The following CLSTN3 variants were observed in gnomAD, a reference collection of about 807,000 sequenced individuals.
The protein encoded by CLSTN3 is calsyntenin 3.
CLSTN3 carries 36 observed loss-of-function variants against 95.9 expected under a neutral mutation model. That is an observed-to-expected ratio of 0.38 (90% CI 0.29 to 0.50). CLSTN3 has a LOEUF of 0.50. Among genes scored for constraint, CLSTN3 ranks in the 20% least tolerant of loss-of-function variants. The probability of loss-of-function intolerance (pLI) is 0.95; values close to 1 mark genes in which losing one functional copy is unlikely to be tolerated. For synonymous variants in CLSTN3, 481 were observed against 504.0 expected (o/e 0.95, Z 0.61); for missense variants, 1,084 against 1,268.8 (o/e 0.85, Z 2.21).
intron 16 of CLSTN3, among the ~76,000 whole-genome samples, chr12:7,151,683 C>T (rs1437676128): frequency 6.6e-6 from 1 of 152,110 alleles, no homozygotes; most frequent in Non-Finnish European, 1.5e-5. Context: ...TGGTCCTTTA[C>T]GAATGGTGCA....
At position 7,137,050 on chromosome 12, in the gene CLSTN3, G is replaced by C. The variant is rs182094956; in HGVS notation, c.1150G>C (p.Val384Leu). The C allele has an allele frequency of 3.1e-6, 5 of 1,614,114 alleles. No individual in the cohort carries two copies. In the Middle Eastern group the frequency reaches 6.6e-4, roughly 213 times the overall value. ...CCTGTCCTTCTGGATGAAGCATGGC[G>C]TAACTCCCAACAAGGGCAAGAAGGA... The part of the protein sequence containing the change: ...FTLSFWMKHG[V>L]TPNKGKKEEE... The change falls in exon 7 of 18, where the codon GTA (valine) becomes CTA (leucine). Residue 384 changes from valine (V) to leucine (L), a missense_variant. Physicochemically the swap from Val to Leu is conservative, Grantham distance 32 (BLOSUM62 1). Coordinates refer to ENST00000266546, the MANE Select transcript of CLSTN3 (RefSeq NM_014718.4). This position sits in a 1 kb window ranked among gnomAD's most constrained non-coding sequence, Gnocchi z 4.4.
chr12:7,140,022 G>C (rs955640930), intron 8 of CLSTN3, among the ~76,000 whole-genome samples: 1 of 152,140 alleles, frequency 6.6e-6, no homozygotes, highest in Non-Finnish European at 1.5e-5. Flanking sequence ...CAGTAAACAG[G>C]ACTGTTGCAA....
At position 7,149,630 on chromosome 12, in the gene CLSTN3, A is replaced by G. The variant is rs1939689017; in HGVS notation, c.2182A>G (p.Thr728Ala). Residue 728 changes from threonine to alanine, a missense_variant, in exon 14 of 18, where the codon ACA (threonine) becomes GCA (alanine). Transcript: ENST00000266546. The surrounding 1 kb of genome is among the most constrained non-coding windows in gnomAD (Gnocchi z 4.5). The part of the protein sequence containing the change: ...DPERESLLLD[T>A]TSLQQRGLEL... ...CGAGCGGGAAAGCCTGCTCCTGGACACAACCTCTCTGCAGCAGCGGGGGCT... is the reference window on the plus strand; with the variant it reads ...CGAGCGGGAAAGCCTGCTCCTGGACGCAACCTCTCTGCAGCAGCGGGGGCT... The G allele has an allele frequency of 6.2e-7, 1 of 1,614,070 alleles. No homozygotes were observed. Among genetic ancestry groups the G allele is most frequent in the Non-Finnish European group, 8.5e-7 (1 of 1,180,040 alleles).
intron 3 of CLSTN3, among the ~76,000 whole-genome samples, chr12:7,134,990 T>G (rs1463426420): frequency 6.6e-6 from 1 of 152,100 alleles, no homozygotes; most frequent in Non-Finnish European, 1.5e-5. Context: ...GTCTCAGGGA[T>G]AGATGGGCAG....
At chr12:7,134,338 G>C (rs139819569) in intron 3 of CLSTN3, among the ~76,000 whole-genome samples, 2 of 152,332 alleles carry the variant, frequency 1.3e-5, no homozygotes, top group Middle Eastern at 3.4e-3. Context: ...CAAGAAAGAG[G>C]CTCGGGTCTG....
chr12:7,130,898 T>A (rs1939286885), intron 1 of CLSTN3, 186 bp downstream of exon 1: 2 of 643,670 alleles, frequency 3.1e-6, no homozygotes, highest in Non-Finnish European at 5.6e-6. Flanking sequence ...CCCAGCTACA[T>A]CTTCCTTTCT....
intron 5 of CLSTN3, 54 bp from the exon 6 acceptor site, chr12:7,136,152 G>A: frequency 1.3e-6 from 2 of 1,573,228 alleles, no homozygotes; most frequent in Non-Finnish European, 1.7e-6. Flanking sequence ...ATGGAGAGGG[G>A]AGGCTGCTTT....
intron 16 of CLSTN3, among the ~76,000 whole-genome samples, chr12:7,155,578 C>T (rs1939801278): frequency 1.3e-5 from 2 of 152,270 alleles, no homozygotes; most frequent in Admixed American, 1.3e-4. Flanking sequence ...GGCACTGCCC[C>T]TGGCTCTGGT....
chr12:7,147,666 C>T (rs1334329881), intron 12 of CLSTN3, among the ~76,000 whole-genome samples: 1 of 151,576 alleles, frequency 6.6e-6, no homozygotes, highest in Non-Finnish European at 1.5e-5. Context: ...AAGCATCTAC[C>T]ACCACACCTG....
chr12:7,141,327 C>T lies in CLSTN3; in HGVS notation c.1409C>T (p.Pro470Leu). The T allele has an allele frequency of 6.2e-7, 1 of 1,614,214 alleles. No individual in the cohort carries two copies. The highest frequency in any genetic ancestry group is 8.5e-7 in the Non-Finnish European group (1 of 1,180,020). Residue 470 changes from proline to leucine, a missense_variant, in exon 9 of 18, where the codon CCT becomes CTT. Physicochemically the swap from Pro to Leu is moderately conservative, Grantham distance 98. Coordinates refer to ENST00000266546, the MANE Select transcript of CLSTN3 (RefSeq NM_014718.4). The surrounding 1 kb of genome is among the most constrained non-coding windows in gnomAD (Gnocchi z 4.1). ...TLYTDGISFDPALIHDNGLIH... is the reference protein window; with the variant it reads ...TLYTDGISFDLALIHDNGLIH... ...TATACCGACGGCATCTCCTTCGACC[C>T]TGCCCTCATCCATGACAATGGCCTC...
Position 7,149,087 on chromosome 12 carries a change from G to T in CLSTN3, c.1963G>T (p.Ala655Ser), listed in dbSNP as rs1239511262. The T allele has an allele frequency of 3.7e-6, 6 of 1,614,234 alleles. No individual in the cohort carries two copies. Among genetic ancestry groups the T allele is most frequent in the Non-Finnish European group, 5.1e-6 (6 of 1,180,028 alleles). Residue 655 changes from alanine (A) to serine (S), a missense_variant, in exon 13 of 18, where the codon GCT (alanine) becomes TCT (serine). Coordinates refer to ENST00000266546, the MANE Select transcript of CLSTN3 (RefSeq NM_014718.4). The surrounding 1 kb of genome is among the most constrained non-coding windows in gnomAD (Gnocchi z 4.5). ...LSGTAHFARP[A>S]VDFEGTNGVP... ...TGGCACTGCTCATTTTGCCCGCCCAGCTGTGGACTTTGAGGGAACCAACGG... is the reference window on the plus strand; with the variant it reads ...TGGCACTGCTCATTTTGCCCGCCCATCTGTGGACTTTGAGGGAACCAACGG...
At chr12:7,151,270 C>T (rs1939719887) in intron 16 of CLSTN3, 1 of 521,666 alleles carries the variant, frequency 1.9e-6, no homozygotes, top group Non-Finnish European at 3.2e-6. Context: ...AGAACATGAG[C>T]CTTGTGTCAT....
chr12:7,139,935 C>T (rs949422223), intron 8 of CLSTN3, among the ~76,000 whole-genome samples: 5 of 152,274 alleles, frequency 3.3e-5, no homozygotes, highest in South Asian at 2.1e-4. Flanking sequence ...TGAGCCACTG[C>T]GCCTGGCCAG....
At position 7,157,914 on chromosome 12, in the gene CLSTN3, C is replaced by T; in HGVS notation, c.2731-27C>T. ...TGGGATGTGTGCAGGCCATTGATCC[C>T]TTCTCCTCTCTGTTCCTGCCCTCCA... On this transcript the variant is annotated intron_variant, in intron 17 of 17. Transcript: ENST00000266546. This position sits in a 1 kb window ranked among gnomAD's most constrained non-coding sequence, Gnocchi z 5.9. 6.5e-7 allele frequency: 1 copy of T among 1,549,008 alleles called. No homozygotes were observed. Among genetic ancestry groups the T allele is most frequent in the Non-Finnish European group, 8.7e-7 (1 of 1,146,890 alleles).
chr12:7,130,762 C>T (rs1283920610), intron 1 of CLSTN3, 50 bp downstream of exon 1: 1 of 836,390 alleles, frequency 1.2e-6, no homozygotes. Flanking sequence ...CGGGCAGCGC[C>T]GTGCGGGGTG....
rs1195808964 is a variant in CLSTN3, at chr12:7,135,390, G to A, written c.447G>A (p.Leu149=). Reference sequence around the variant, plus strand: ...TTGCCCCAGTGTTTGTGGAACGGCTGTATCGTGCGGCTGTGACAGAGGGGA... The same window carrying A: ...TTGCCCCAGTGTTTGTGGAACGGCTATATCGTGCGGCTGTGACAGAGGGGA... ...NEFAPVFVER[L]YRAAVTEGKL... The change falls in exon 4 of 18, where the codon CTG becomes CTA. Residue 149 remains leucine (L), a synonymous_variant. Coordinates refer to ENST00000266546, the MANE Select transcript of CLSTN3 (RefSeq NM_014718.4). 1 of 1,614,194 alleles carries A rather than the reference G, an allele frequency of 6.2e-7. No individual in the cohort carries two copies. The highest frequency in any genetic ancestry group is 8.5e-7 in the Non-Finnish European group (1 of 1,180,026).
intron 16 of CLSTN3, chr12:7,156,147 C>T (rs1287057371): frequency 2.6e-6 from 1 of 382,526 alleles, no homozygotes; most frequent in East Asian, 7.2e-5. Flanking sequence ...AGTCCCTCAG[C>T]AACGGGACCG....
chr12:7,130,357 G>C, upstream of CLSTN3: 3 of 1,346,918 alleles, frequency 2.2e-6, no homozygotes, highest in South Asian at 3.2e-5. Flanking sequence ...TCGTTGCCCG[G>C]CTGTGCTGAC....
chr12:7,145,993 C>G (rs1298121579), intron 12 of CLSTN3, among the ~76,000 whole-genome samples: 1 of 152,180 alleles, frequency 6.6e-6, no homozygotes, highest in Non-Finnish European at 1.5e-5. Context: ...TACCTCTTAT[C>G]TGGCCCATTG....
Sources: allele counts gnomAD v4.1 joint callset (sites outside exome capture counted in the v4.1 genomes callset), GRCh38; gene constraint gnomAD v4.1.1; non-coding constraint Gnocchi (gnomAD v3.1); transcripts MANE v1.5; gene names NCBI Gene and HGNC (gene_info 2026-07-23, HGNC 2026-07-21).